The following TNR variants were observed in gnomAD, a reference collection of about 807,000 sequenced individuals.
TNR encodes the protein tenascin R.
TNR carries 45 observed loss-of-function variants against 150.4 expected under a neutral mutation model. The ratio of observed to expected loss-of-function variants is 0.30; its 90% CI spans 0.24 to 0.38. The LOEUF (loss-of-function observed/expected upper bound fraction) is 0.38, where lower values mean the gene tolerates loss of function less well. TNR is among the 10% of genes least tolerant of loss of function. The pLI is 1.00. For synonymous variants in TNR, 687 were observed against 678.4 expected, an observed-to-expected ratio of 1.01 and a Z score of -0.20; for missense variants, 1,544 against 1,759.1, an observed-to-expected ratio of 0.88 and a Z score of 2.19.
At chr1:175,593,056 G>T (rs1020506306) in intron 1 of TNR, among the ~76,000 whole-genome samples, 1 of 152,090 alleles carries the variant, frequency 6.6e-6, no homozygotes. Context: ...CTGACTGGGG[G>T]TTTTCCTTTG....
intron 14 of TNR, among the ~76,000 whole-genome samples, chr1:175,360,867 G>T (rs11585085): frequency 0.29 from 44,170 of 151,986 alleles, 6,779 homozygotes; most frequent in Non-Finnish European, 0.34. Context: ...TCCAAAAGTT[G>T]TAAGATCATA....
chr1:175,562,480 T>C (rs1661469260), intron 1 of TNR, among the ~76,000 whole-genome samples: 1 of 152,190 alleles, frequency 6.6e-6, no homozygotes, highest in Non-Finnish European at 1.5e-5. Context: ...TGGAATTCAA[T>C]AGAGATAAAT....
At chr1:175,665,718 A>G (rs536905017) in intron 1 of TNR, among the ~76,000 whole-genome samples, 1 of 152,340 alleles carries the variant, frequency 6.6e-6, no homozygotes, top group African/African-American at 2.4e-5. Context: ...TGTACCAGGC[A>G]CTGTTAGATA....
intron 1 of TNR, among the ~76,000 whole-genome samples, chr1:175,696,711 G>C (rs1261721931): frequency 1.3e-5 from 2 of 151,956 alleles, no homozygotes; most frequent in Non-Finnish European, 1.5e-5. Flanking sequence ...GAAAACCCAT[G>C]TCTACTAAAA....
At chr1:175,504,066 C>T (rs1036318008) in intron 2 of TNR, among the ~76,000 whole-genome samples, 6 of 152,122 alleles carry the variant, frequency 3.9e-5, no homozygotes, top group Admixed American at 2.0e-4. Flanking sequence ...AGGAGCTCTT[C>T]GAGGATTCAC....
At chr1:175,681,303 C>T (rs141751198) in intron 1 of TNR, among the ~76,000 whole-genome samples, 74 of 152,270 alleles carry the variant, frequency 4.9e-4, no homozygotes, top group East Asian at 2.1e-3. Flanking sequence ...AAAGGAGACA[C>T]AGGTCAAAGT....
At chr1:175,728,534 C>T (rs556327537) in intron 1 of TNR, among the ~76,000 whole-genome samples, 3 of 152,332 alleles carry the variant, frequency 2.0e-5, no homozygotes, top group Admixed American at 6.5e-5. Context: ...CCCAAATTCT[C>T]GCTGCAGAGG....
Position 175,406,404 on chromosome 1 carries a change from T to G in TNR, c.311A>C (p.Gln104Pro). 6.2e-7 allele frequency: 1 copy of G among 1,614,178 alleles called. No individual in the cohort carries two copies. Among genetic ancestry groups the G allele is most frequent in the South Asian group, 1.1e-5 (1 of 91,078 alleles). The change falls in exon 3 of 23, where the codon CAG (glutamine) becomes CCG (proline). Residue 104 changes from glutamine to proline, a missense_variant. By Grantham distance (76) the Gln-to-Pro change is moderately conservative. Around this residue, in one of 2 missense-constraint regions of TNR, gnomAD observed 1,254 missense variants for 1,329.4 expected, o/e 0.94. Transcript: ENST00000367674. ...EDETLAEYMG[Q>P]TSDHESQVTF... ...GACCTGGCTCTCGTGGTCTGAGGTC[T>G]GGCCCATGTACTCTGCCAGAGTCTC...
chr1:175,652,163 A>G (rs1188394635), intron 1 of TNR, among the ~76,000 whole-genome samples: 1 of 147,892 alleles, frequency 6.8e-6, no homozygotes, highest in Non-Finnish European at 1.5e-5. Flanking sequence ...TATATTATGT[A>G]TATAATAATA....
intron 1 of TNR, among the ~76,000 whole-genome samples, chr1:175,649,356 C>T (rs1664888445): frequency 6.6e-6 from 1 of 152,192 alleles, no homozygotes; most frequent in Admixed American, 6.5e-5. Flanking sequence ...CCCCTGCCTG[C>T]AGTTACTTTT....
rs555324667 is a variant in TNR, at chr1:175,375,477, G to C, written c.1963+4075C>G. ...CTGGACATTGCCTACAGAGAATAAT[G>C]GGGGGGGAGTGTTTGAATTTTGGGC... On this transcript the variant is annotated intron_variant, in intron 9 of 22. Coordinates refer to ENST00000367674, the MANE Select transcript of TNR (RefSeq NM_003285.3). Among the ~76,000 whole-genome samples, 360 of 90,216 alleles carry C rather than the reference G, an allele frequency of 4.0e-3. 1 individual carries two copies. The highest frequency in any genetic ancestry group is 6.5e-3 in the African/African-American group (140 of 21,536). The allele number at this position is 90,216 out of a possible 152,430, so 59.2% of individuals were successfully genotyped here.
At chr1:175,641,998 G>A (rs1436082219) in intron 1 of TNR, among the ~76,000 whole-genome samples, 2 of 152,160 alleles carry the variant, frequency 1.3e-5, no homozygotes, top group Non-Finnish European at 2.9e-5. Flanking sequence ...CCCTGTCCCT[G>A]CTATCAAGTA....
At chr1:175,424,520 G>A (rs759551430) in intron 2 of TNR, among the ~76,000 whole-genome samples, 1 of 152,222 alleles carries the variant, frequency 6.6e-6, no homozygotes, top group Non-Finnish European at 1.5e-5. Context: ...GGGGCATTTT[G>A]TTTGGTCCTG....
At position 175,595,609 on chromosome 1, in the gene TNR, C is replaced by T. The variant is rs74127348; in HGVS notation, c.-164-67240G>A. 7.3e-3 allele frequency among the ~76,000 whole-genome samples: 1,109 copies of T among 152,284 alleles called. 14 individuals are homozygous for T. Among genetic ancestry groups the T allele is most frequent in the African/African-American group, 0.025 (1,055 of 41,542 alleles). On this transcript the variant is annotated intron_variant, in intron 1 of 22. Transcript: ENST00000367674. Reference sequence around the variant, plus strand: ...TGCAACCCTCAGAAGTACTGGCTTTCAATGGTCTGTCCCATCTTTTCTGTT... The same window carrying T: ...TGCAACCCTCAGAAGTACTGGCTTTTAATGGTCTGTCCCATCTTTTCTGTT...
At chr1:175,505,885 A>T (rs541733694) in intron 2 of TNR, among the ~76,000 whole-genome samples, 1 of 93,644 alleles carries the variant, frequency 1.1e-5, no homozygotes, top group Admixed American at 1.2e-4. Flanking sequence ...TACTAAAAAT[A>T]CAAAAATTAG....
At chr1:175,400,939 C>T (rs551909236) in intron 4 of TNR, among the ~76,000 whole-genome samples, 131 of 152,308 alleles carry the variant, frequency 8.6e-4, no homozygotes, top group Non-Finnish European at 8.2e-4. Context: ...AAGAGCAGAC[C>T]TCCTGCAAAT....
intron 16 of TNR, among the ~76,000 whole-genome samples, chr1:175,355,944 C>G (rs868171708): frequency 1.1e-4 from 16 of 152,258 alleles, no homozygotes; most frequent in African/African-American, 3.6e-4. Context: ...CTTGTTCACT[C>G]GTGAACTTAC....
At chr1:175,662,198 C>G (rs10913054) in intron 1 of TNR, among the ~76,000 whole-genome samples, 80,065 of 152,006 alleles carry the variant, frequency 0.53, 21,853 homozygotes, top group South Asian at 0.67. Flanking sequence ...GATGATATGA[C>G]ATGGTGGTTC....
intron 1 of TNR, among the ~76,000 whole-genome samples, chr1:175,675,554 T>A (rs1665833197): frequency 6.6e-6 from 1 of 152,130 alleles, no homozygotes. Context: ...ACAGCAGAAA[T>A]GCATGCAGAA....
Sources: gnomAD v4.1 joint callset for allele counts (sites outside exome capture counted in the v4.1 genomes callset) on GRCh38, gnomAD v4.1.1 for gene constraint, gnomAD v4.1.1 regional missense constraint, MANE v1.5 for transcripts, NCBI Gene and HGNC (gene_info 2026-07-23, HGNC 2026-07-21) for gene names.